The following MYO7B variants were observed in gnomAD, a reference collection of about 807,000 sequenced individuals.
The protein encoded by MYO7B is myosin VIIB, also known as unconventional myosin-VIIb.
In MYO7B, 212 loss-of-function variants were observed where a neutral mutation model predicts 259.7. The ratio of observed to expected loss-of-function variants is 0.82; its 90% CI spans 0.73 to 0.91. The LOEUF is 0.91. MYO7B is among the 40% of genes least tolerant of loss of function. The pLI is 0.00. For synonymous variants in MYO7B, 1,197 were observed against 1,166.4 expected, an observed-to-expected ratio of 1.03 and a Z score of -0.54; for missense variants, 2,732 against 2,813.5, an observed-to-expected ratio of 0.97 and a Z score of 0.66.
chr2:127,635,728 C>T lies in MYO7B; in HGVS notation c.5827C>T (p.Pro1943Ser). ...DTILHYHQEL[P>S]KYLRGFHKCS... is the part of the protein sequence containing the mutation. ...CAGTGTGTCCATCACCCAGGAGCTG[C>T]CCAAGTACCTGCGCGGATTCCACAA... Residue 1943 changes from proline (P) to serine (S), a missense_variant, in exon 44 of 48, where the codon CCC (proline) becomes TCC (serine). By Grantham distance (74) the Pro-to-Ser change is moderately conservative. Coordinates refer to ENST00000409816, the MANE Select transcript of MYO7B (RefSeq NM_001393586.1). 1 of 1,601,426 alleles carries T rather than the reference C, an allele frequency of 6.2e-7. No homozygotes were observed. The highest frequency in any genetic ancestry group is 8.5e-7 in the Non-Finnish European group (1 of 1,174,372).
chr2:127,626,643 G>A (rs1681134302), intron 31 of MYO7B: 2 of 210,396 alleles, frequency 9.5e-6, no homozygotes, highest in Non-Finnish European at 9.6e-6. Context: ...GCCAGGCGCA[G>A]TGGCACGCGC....
At chr2:127,624,022 TGACG>T in intron 29 of MYO7B, 67 bp from the exon 30 acceptor site, 1 of 1,392,492 alleles carries the variant, frequency 7.2e-7, no homozygotes, top group Non-Finnish European at 9.7e-7. Flanking sequence ...GTGCACACGC[TGACG>T]GTGGGCGTCC....
At chr2:127,633,198 T>C in intron 39 of MYO7B, 60 bp from the exon 40 acceptor site, 1 of 1,328,832 alleles carries the variant, frequency 7.5e-7, no homozygotes, top group Non-Finnish European at 1.1e-6. Context: ...ACATCGGGGC[T>C]GGGGCATGGG....
At chr2:127,587,138 C>T (rs1391933608) in intron 14 of MYO7B, among the ~76,000 whole-genome samples, 3 of 152,166 alleles carry the variant, frequency 2.0e-5, no homozygotes, top group Non-Finnish European at 4.4e-5. Context: ...AGAGGAAAGT[C>T]AGGGTCGTGC....
chr2:127,546,003 C>G lies in MYO7B; in HGVS notation c.-24+10172C>G, dbSNP rs1276511532. Reference sequence around the variant, plus strand: ...TGCCTCCTTTGGGTGGTGGCCCTTCCAACCTGTGTTCTTCTTGAGTGATGG... The same window carrying G: ...TGCCTCCTTTGGGTGGTGGCCCTTCGAACCTGTGTTCTTCTTGAGTGATGG... On this transcript the variant is annotated intron_variant, in intron 1 of 47. Transcript: ENST00000409816. The surrounding 1 kb of genome is among the most constrained non-coding windows in gnomAD (Gnocchi z 4.2). Among the ~76,000 whole-genome samples the G allele has an allele frequency of 2.6e-5, 4 of 152,240 alleles. No individual in the cohort carries two copies. Among genetic ancestry groups the G allele is most frequent in the Non-Finnish European group, 5.9e-5 (4 of 68,046 alleles).
intron 1 of MYO7B, among the ~76,000 whole-genome samples, chr2:127,558,948 C>T (rs185627485): frequency 2.6e-5 from 4 of 152,264 alleles, no homozygotes; most frequent in East Asian, 3.9e-4. Flanking sequence ...ATGTATATTT[C>T]GCTGGTGATG....
chr2:127,538,639 C>T (rs1291217202), intron 1 of MYO7B, among the ~76,000 whole-genome samples: 1 of 151,574 alleles, frequency 6.6e-6, no homozygotes, highest in Non-Finnish European at 1.5e-5. Context: ...GATCTCGGCT[C>T]ACTGCAACCT....
chr2:127,630,715 G>T (rs1393189927), intron 35 of MYO7B, 63 bp from the exon 36 acceptor site: 3 of 1,596,272 alleles, frequency 1.9e-6, no homozygotes, highest in African/African-American at 2.7e-5. Context: ...GCCGGGAGGA[G>T]CCTGCAGGAA....
At chr2:127,549,541 T>C (rs1399908244) in intron 1 of MYO7B, among the ~76,000 whole-genome samples, 1 of 152,216 alleles carries the variant, frequency 6.6e-6, no homozygotes, top group Non-Finnish European at 1.5e-5. Flanking sequence ...ATCATTTGGC[T>C]GTGAAGAATA....
rs1400652843 is a variant in MYO7B, at chr2:127,585,780, T to C, written c.1690+867T>C. Among the ~76,000 whole-genome samples, 1 of 152,212 alleles carries C rather than the reference T, an allele frequency of 6.6e-6. No homozygotes were observed. Among genetic ancestry groups the C allele is most frequent in the Admixed American group, 6.5e-5 (1 of 15,282 alleles). On this transcript the variant is annotated intron_variant, in intron 14 of 47. Transcript: ENST00000409816. This position sits in a 1 kb window ranked among gnomAD's most constrained non-coding sequence, Gnocchi z 4.3. ...TTGTTATTATAGCTACCCTAGTGGG[T>C]TTGAAGTCTCAATGTGATTTGCATC...
chr2:127,615,139 A>G lies in MYO7B; in HGVS notation c.3398+2536A>G, dbSNP rs1680521573. 1.3e-5 allele frequency among the ~76,000 whole-genome samples: 2 copies of G among 152,128 alleles called. No homozygotes were observed. Among genetic ancestry groups the G allele is most frequent in the Non-Finnish European group, 2.9e-5 (2 of 68,028 alleles). ...GAATTTCCTGGTCCTAAGATGGACC[A>G]GTGCTAAGATGGAGGTCTGTTCAGG... is the stretch of plus-strand genomic sequence containing the variant. On this transcript the variant is annotated intron_variant, in intron 26 of 47. Transcript: ENST00000409816. The surrounding 1 kb of genome is among the most constrained non-coding windows in gnomAD (Gnocchi z 4.4).
At chr2:127,579,393 T>C (rs1360860927) in intron 9 of MYO7B, among the ~76,000 whole-genome samples, 1 of 152,162 alleles carries the variant, frequency 6.6e-6, no homozygotes, top group Non-Finnish European at 1.5e-5. Flanking sequence ...TGTGAGAATA[T>C]TGCTTCCAGG....
rs1406918053 is a variant in MYO7B, at chr2:127,586,077, A to G, written c.1690+1164A>G. ...AAAGCTTTCATTTTGAAGAAGTCCA[A>G]CTTATCTATTTTCCTTTCTTTGCTT... On this transcript the variant is annotated intron_variant, in intron 14 of 47. Transcript: ENST00000409816. The surrounding 1 kb of genome is among the most constrained non-coding windows in gnomAD (Gnocchi z 4.8). Among the ~76,000 whole-genome samples the G allele has an allele frequency of 6.6e-6, 1 of 152,294 alleles. No homozygotes were observed. Among genetic ancestry groups the G allele is most frequent in the South Asian group, 2.1e-4 (1 of 4,828 alleles).
intron 15 of MYO7B, 145 bp from the exon 16 acceptor site, chr2:127,589,943 CATGG>C (rs886582538): frequency 7.4e-6 from 6 of 816,042 alleles, no homozygotes; most frequent in Non-Finnish European, 1.1e-5. Context: ...TGGATGGATA[CATGG>C]ATGGGTGGGT....
chr2:127,635,575 C>T, intron 43 of MYO7B, 147 bp from the exon 44 acceptor site: 1 of 865,316 alleles, frequency 1.2e-6, no homozygotes, highest in East Asian at 2.7e-5. Flanking sequence ...CAGGGTCATT[C>T]CCCTGGCCTG....
chr2:127,593,447 G>A, intron 17 of MYO7B, 99 bp from the exon 18 acceptor site: 2 of 1,208,726 alleles, frequency 1.7e-6, no homozygotes, highest in Admixed American at 4.4e-5. Flanking sequence ...AGCCCCTGAT[G>A]GGGGAGCCTG....
intron 10 of MYO7B, among the ~76,000 whole-genome samples, chr2:127,581,093 G>C (rs935895116): frequency 6.6e-6 from 1 of 152,156 alleles, no homozygotes; most frequent in Non-Finnish European, 1.5e-5. Context: ...CAGTGGCCCT[G>C]TTTCAGTATC....
intron 26 of MYO7B, 141 bp downstream of exon 26, chr2:127,612,744 A>G (rs1404124161): frequency 3.0e-6 from 4 of 1,312,376 alleles, no homozygotes; most frequent in Non-Finnish European, 4.1e-6. Flanking sequence ...AGGACAGCAG[A>G]TGTCATAGCT....
chr2:127,584,903 C>T lies in MYO7B; in HGVS notation c.1680C>T (p.Tyr560=), dbSNP rs2104945458. The T allele has an allele frequency of 6.2e-7, 1 of 1,613,870 alleles. No individual in the cohort carries two copies. The highest frequency in any genetic ancestry group is 1.1e-5 in the South Asian group (1 of 91,080). ...GIAHFAGEVY[Y]QAEGFLEKNR... ...CCCATTTTGCCGGCGAGGTGTACTACCAAGCAGAAGGTGGGTGCAGCTCTC... is the reference window on the plus strand; with the variant it reads ...CCCATTTTGCCGGCGAGGTGTACTATCAAGCAGAAGGTGGGTGCAGCTCTC... Residue 560 remains tyrosine (Y), a synonymous_variant, in exon 14 of 48, where the codon TAC becomes TAT. Transcript: ENST00000409816. This position sits in a 1 kb window ranked among gnomAD's most constrained non-coding sequence, Gnocchi z 5.8.
Sources: allele counts gnomAD v4.1 joint callset (sites outside exome capture counted in the v4.1 genomes callset), GRCh38; gene constraint gnomAD v4.1.1; non-coding constraint Gnocchi (gnomAD v3.1); transcripts MANE v1.5; gene names NCBI Gene and HGNC (gene_info 2026-07-23, HGNC 2026-07-21).